BABAM2: variants seen among roughly 807,000 people sequenced by gnomAD.
The protein encoded by BABAM2 is BRISC and BRCA1-A complex member 2.
BABAM2 carries 31 observed loss-of-function variants against 54.7 expected under a neutral mutation model. The observed-to-expected ratio is 0.57, with a 90% CI of 0.43 to 0.77. The LOEUF is 0.77. BABAM2 is among the 30% of genes least tolerant of loss of function. BABAM2 has a pLI of 0.00. For missense variants in BABAM2, 364 were observed against 455.8 expected (o/e 0.80, Z 1.83); for synonymous variants, 167 against 162.9 (o/e 1.03, Z -0.19).
chr2:28,152,397 C>T (rs1672136292), intron 7 of BABAM2, among the ~76,000 whole-genome samples: 1 of 152,168 alleles, frequency 6.6e-6, no homozygotes, highest in African/African-American at 2.4e-5. Flanking sequence ...AACCCTTTCC[C>T]AGGGAAGAGT....
chr2:28,168,524 C>T (rs993826141), intron 7 of BABAM2, among the ~76,000 whole-genome samples: 1 of 152,108 alleles, frequency 6.6e-6, no homozygotes, highest in Non-Finnish European at 1.5e-5. Flanking sequence ...TCATTTATGC[C>T]AAATTCTCCT....
At chr2:27,918,001 A>G (rs1403283771) in intron 2 of BABAM2, among the ~76,000 whole-genome samples, 4 of 152,134 alleles carry the variant, frequency 2.6e-5, no homozygotes, top group Non-Finnish European at 5.9e-5. Flanking sequence ...TGGTTTGTCT[A>G]TTTTTGTACC....
chr2:28,312,268 A>T (rs1286196525), intron 11 of BABAM2, among the ~76,000 whole-genome samples: 1 of 152,206 alleles, frequency 6.6e-6, no homozygotes, highest in Non-Finnish European at 1.5e-5. Flanking sequence ...CTTTTGTCAG[A>T]TCATTCAGCA....
intron 3 of BABAM2, among the ~76,000 whole-genome samples, chr2:27,954,630 A>G (rs994191482): frequency 6.6e-6 from 1 of 152,192 alleles, no homozygotes; most frequent in Non-Finnish European, 1.5e-5. Flanking sequence ...TAGGTAATAG[A>G]TATCCTACTC....
At chr2:28,115,486 C>T (rs1418726393) in intron 6 of BABAM2, among the ~76,000 whole-genome samples, 3 of 151,854 alleles carry the variant, frequency 2.0e-5, no homozygotes, top group Non-Finnish European at 2.9e-5. Context: ...ATTATCCAGG[C>T]GTGGTGGCGG....
intron 5 of BABAM2, among the ~76,000 whole-genome samples, chr2:28,026,832 A>AT (rs1311915830): frequency 5.9e-5 from 3 of 51,028 alleles, no homozygotes; most frequent in African/African-American, 2.3e-4. Flanking sequence ...TTATATATAT[A>AT]AATATATATA....
chr2:28,084,901 A>G (rs1665505913), intron 6 of BABAM2, among the ~76,000 whole-genome samples: 1 of 152,176 alleles, frequency 6.6e-6, no homozygotes, highest in Admixed American at 6.5e-5. Flanking sequence ...AAAAGATAGA[A>G]TGTGTATTCA....
At chr2:27,915,445 A>G (rs906007593) in intron 2 of BABAM2, among the ~76,000 whole-genome samples, 1 of 152,218 alleles carries the variant, frequency 6.6e-6, no homozygotes, top group African/African-American at 2.4e-5. Flanking sequence ...ACAAATGAGA[A>G]CACTGAAGAC....
chr2:27,999,552 G>T (rs1053459727), intron 4 of BABAM2, among the ~76,000 whole-genome samples: 9 of 152,228 alleles, frequency 5.9e-5, no homozygotes, highest in Non-Finnish European at 1.2e-4. Flanking sequence ...TTCATTGCCA[G>T]TCTAAGCTGT....
At chr2:28,054,682 G>A (rs1377002154) in intron 6 of BABAM2, among the ~76,000 whole-genome samples, 3 of 152,196 alleles carry the variant, frequency 2.0e-5, no homozygotes, top group Non-Finnish European at 4.4e-5. Context: ...CACAGTTGCT[G>A]CTACCTTGAT....
chr2:27,948,856 A>G (rs930281517), intron 3 of BABAM2, among the ~76,000 whole-genome samples: 3 of 152,228 alleles, frequency 2.0e-5, no homozygotes, highest in Non-Finnish European at 4.4e-5. Context: ...TTCACCATTA[A>G]GTATTAATAT....
chr2:27,930,667 C>T (rs771218018), intron 3 of BABAM2, among the ~76,000 whole-genome samples: 2 of 152,188 alleles, frequency 1.3e-5, no homozygotes, highest in Non-Finnish European at 2.9e-5. Context: ...GGCTTGAGTT[C>T]CTGGACCATA....
intron 7 of BABAM2, among the ~76,000 whole-genome samples, chr2:28,158,107 A>G (rs1672724557): frequency 6.6e-6 from 1 of 152,244 alleles, no homozygotes. Context: ...AAAAGTTAAC[A>G]GCATTTCTAT....
chr2:28,268,037 A>C (rs1685131289), intron 10 of BABAM2, among the ~76,000 whole-genome samples: 1 of 152,234 alleles, frequency 6.6e-6, no homozygotes, highest in African/African-American at 2.4e-5. Flanking sequence ...TTAGAACCCT[A>C]ATATTGACTG....
At chr2:28,178,776 A>G (rs183037587) in intron 7 of BABAM2, among the ~76,000 whole-genome samples, 242 of 152,114 alleles carry the variant, frequency 1.6e-3, no homozygotes, top group African/African-American at 4.9e-3. Flanking sequence ...GAAGACCCAA[A>G]TAAACAAAAT....
At chr2:28,026,939 A>ATATATATAAAT (rs1558667900) in intron 5 of BABAM2, among the ~76,000 whole-genome samples, 1 of 11,854 alleles carries the variant, frequency 8.4e-5, no homozygotes, top group Non-Finnish European at 3.1e-4. Context: ...TATATATATA[A>ATATATATAAAT]ATATATATTA....
intron 10 of BABAM2, among the ~76,000 whole-genome samples, chr2:28,281,382 T>C (rs1318606840): frequency 6.6e-6 from 1 of 152,244 alleles, no homozygotes; most frequent in Non-Finnish European, 1.5e-5. Flanking sequence ...TATATTTTGC[T>C]GTATGAAATA....
chr2:27,933,879 A>G (rs374780505), intron 3 of BABAM2, among the ~76,000 whole-genome samples: 1 of 150,416 alleles, frequency 6.6e-6, no homozygotes, highest in East Asian at 1.9e-4. Context: ...GACTACAGGC[A>G]CACACCACCA....
chr2:28,318,059 G>A (rs758092937), intron 11 of BABAM2, among the ~76,000 whole-genome samples: 47 of 152,236 alleles, frequency 3.1e-4, no homozygotes, highest in African/African-American at 8.7e-4. Context: ...GAAGTTGGAC[G>A]TGTTAGTCAA....
Sources: allele counts gnomAD v4.1 joint callset (sites outside exome capture counted in the v4.1 genomes callset), GRCh38; gene constraint gnomAD v4.1.1; transcripts MANE v1.5; gene names NCBI Gene and HGNC (gene_info 2026-07-23, HGNC 2026-07-21).